Variants in CD109 observed in about 807,000 individuals in gnomAD.
CD109 encodes CD109 molecule, also known as CD109 antigen.
CD109 carries 149 observed loss-of-function variants against 165.8 expected under a neutral mutation model. The ratio of observed to expected loss-of-function variants is 0.90; its 90% CI spans 0.79 to 1.03. The LOEUF is 1.03. Among genes scored for constraint, CD109 ranks in the 50% least tolerant of loss-of-function variants. CD109 has a pLI of 0.00. For synonymous variants in CD109, 585 were observed against 592.1 expected, an observed-to-expected ratio of 0.99 and a Z score of 0.18; for missense variants, 1,712 against 1,677.8, an observed-to-expected ratio of 1.02 and a Z score of -0.36.
rs1315499752 is a variant in CD109, at chr6:73,768,111, T to C, written c.1554T>C (p.Ser518=). Residue 518 remains serine (S), a synonymous_variant, in exon 14 of 33, where the codon TCT becomes TCC. Transcript: ENST00000287097. ...AVGKQNSTMF[S]LTPENSWTPK... is the part of the protein sequence containing the mutation. ...GAAAACAAAATTCAACAATGTTCTC[T>C]TTAACACCAGAAAATTCTTGGACTC... 1 of 1,613,308 alleles carries C rather than the reference T, an allele frequency of 6.2e-7. No homozygotes were observed. Among genetic ancestry groups the C allele is most frequent in the Non-Finnish European group, 8.5e-7 (1 of 1,179,370 alleles).
In CD109 at chr6:73,743,699, C is replaced by T. The variant is rs1436269898; in HGVS notation, c.633+7191C>T. On this transcript the variant is annotated intron_variant, in intron 5 of 32. Transcript: ENST00000287097. ...TAAAGCACTCTACCAGGAGCATCTG[C>T]TTAACCCGCCTGGCTTGTGACGACA... Among the ~76,000 whole-genome samples the T allele has an allele frequency of 4.6e-5, 7 of 152,324 alleles. No homozygotes were observed. In the East Asian group the frequency reaches 7.7e-4, roughly 17 times the overall value.
intron 30 of CD109, among the ~76,000 whole-genome samples, chr6:73,817,886 C>G (rs1428455828): frequency 6.6e-6 from 1 of 152,252 alleles, no homozygotes; most frequent in Non-Finnish European, 1.5e-5. Context: ...TGGCTTCTCC[C>G]TACTGGTCTG....
intron 10 of CD109, among the ~76,000 whole-genome samples, chr6:73,765,715 T>C (rs111896402): frequency 2.2e-4 from 34 of 152,206 alleles, no homozygotes; most frequent in African/African-American, 8.2e-4. Context: ...AAGGGGGTTA[T>C]TTTGGAGCCG....
intron 2 of CD109, among the ~76,000 whole-genome samples, chr6:73,702,860 G>A (rs1053908515): frequency 1.2e-4 from 19 of 152,220 alleles, no homozygotes; most frequent in Non-Finnish European, 2.8e-4. Context: ...ATTGTTACTA[G>A]AAGAGAGTAG....
At chr6:73,720,156 T>G (rs1771893422) in intron 2 of CD109, among the ~76,000 whole-genome samples, 1 of 152,180 alleles carries the variant, frequency 6.6e-6, no homozygotes, top group Non-Finnish European at 1.5e-5. Context: ...GGAACACTAT[T>G]CAGCCATTTT....
chr6:73,721,267 C>T (rs1771937513), intron 2 of CD109, among the ~76,000 whole-genome samples: 2 of 152,132 alleles, frequency 1.3e-5, no homozygotes, highest in Admixed American at 1.3e-4. Context: ...TTCATGGAGG[C>T]CCACTGGGGT....
chr6:73,709,449 T>C (rs1310398525), intron 2 of CD109, among the ~76,000 whole-genome samples: 1 of 152,216 alleles, frequency 6.6e-6, no homozygotes, highest in African/African-American at 2.4e-5. Context: ...CCTCCAGCTT[T>C]GTTCTTTTGG....
chr6:73,710,796 A>C (rs1196390189), intron 2 of CD109, among the ~76,000 whole-genome samples: 1 of 152,130 alleles, frequency 6.6e-6, no homozygotes, highest in African/African-American at 2.4e-5. Context: ...AATTTCTGTA[A>C]AGGGCCAGAT....
At chr6:73,785,526 G>A (rs1207641104) in intron 20 of CD109, 49 bp downstream of exon 20, 13 of 1,069,356 alleles carry the variant, frequency 1.2e-5, no homozygotes, top group South Asian at 4.2e-5. Flanking sequence ...GGAGAAAATC[G>A]AGGTAGCATG....
At chr6:73,743,091 A>G (rs1772853445) in intron 5 of CD109, among the ~76,000 whole-genome samples, 1 of 152,112 alleles carries the variant, frequency 6.6e-6, no homozygotes, top group Non-Finnish European at 1.5e-5. Context: ...ACTTTCTGCT[A>G]TTTACTTTAC....
rs779084263 is a variant in CD109, at chr6:73,736,472, A to G, written c.597A>G (p.Pro199=). 43 of 1,613,556 alleles carry G rather than the reference A, an allele frequency of 2.7e-5. No individual in the cohort carries two copies. The highest frequency in any genetic ancestry group is 3.4e-5 in the Non-Finnish European group (40 of 1,179,756). The stretch of plus-strand genomic sequence containing the variant: ...AAACTTTTCAGCTATCTTCCCATCC[A>G]ATACTTGGTGACTGGTCTATTCAAG... The part of the protein sequence containing the change: ...ISKTFQLSSH[P]ILGDWSIQVQ... The change falls in exon 5 of 33, where the codon CCA becomes CCG. Residue 199 remains proline, a synonymous_variant. Transcript: ENST00000287097.
At chr6:73,805,170 G>T (rs559062713) in intron 24 of CD109, among the ~76,000 whole-genome samples, 1 of 152,204 alleles carries the variant, frequency 6.6e-6, no homozygotes, top group Non-Finnish European at 1.5e-5. Context: ...GATTGTTACC[G>T]TGTCTGTGTA....
intron 24 of CD109, among the ~76,000 whole-genome samples, chr6:73,804,404 T>C (rs1223622530): frequency 6.6e-6 from 1 of 152,256 alleles, no homozygotes; most frequent in Non-Finnish European, 1.5e-5. Context: ...AGGGTCAGAT[T>C]GTAAGTATTT....
intron 4 of CD109, among the ~76,000 whole-genome samples, chr6:73,735,988 A>G (rs1772526899): frequency 6.6e-6 from 1 of 152,184 alleles, no homozygotes; most frequent in Non-Finnish European, 1.5e-5. Context: ...TTTCATGTAG[A>G]AGGAAATAGG....
upstream of CD109, chr6:73,695,981 T>G: frequency 2.0e-6 from 1 of 509,986 alleles, no homozygotes; most frequent in East Asian, 3.9e-5. Context: ...ACCCCCTGGA[T>G]TTGCGATGTT....
chr6:73,780,945 GT>G (rs1400457908), intron 16 of CD109, among the ~76,000 whole-genome samples: 3 of 150,032 alleles, frequency 2.0e-5, no homozygotes, highest in Admixed American at 1.3e-4. Flanking sequence ...GTGTATGTGT[GT>G]TTGAGAAAGA....
chr6:73,700,949 G>A (rs1771052311), intron 2 of CD109, among the ~76,000 whole-genome samples: 1 of 151,360 alleles, frequency 6.6e-6, no homozygotes, highest in Admixed American at 6.6e-5. Context: ...CTACAGGCAT[G>A]TGCCACCATG....
rs752958192 is a variant in CD109, at chr6:73,823,655, G to GT, written c.*23dup. On this transcript the variant is annotated 3_prime_UTR_variant, in exon 33 of 33. Transcript: ENST00000287097. The stretch of plus-strand genomic sequence containing the variant: ...GTGATTTATTTTTAAAGGACTCTGT[G>GT]TAACACTAACATTTCCAGTAGTCAC... The GT allele has an allele frequency of 1.3e-6, 2 of 1,579,082 alleles. No homozygotes were observed.
chr6:73,711,129 A>AT (rs1354671710), intron 2 of CD109, among the ~76,000 whole-genome samples: 1 of 152,160 alleles, frequency 6.6e-6, no homozygotes, highest in Non-Finnish European at 1.5e-5. Context: ...TGCCCTGTAC[A>AT]TTTAGCAGCC....
Sources: gnomAD v4.1 joint callset for allele counts (sites outside exome capture counted in the v4.1 genomes callset) on GRCh38, gnomAD v4.1.1 for gene constraint, MANE v1.5 for transcripts, NCBI Gene and HGNC (gene_info 2026-07-23, HGNC 2026-07-21) for gene names.